Variants in PLPP1 observed in about 807,000 individuals in gnomAD.
PLPP1 encodes the protein phospholipid phosphatase 1.
PLPP1 carries 24 observed loss-of-function variants against 31.2 expected under a neutral mutation model. The observed-to-expected ratio is 0.77, with a 90% CI of 0.56 to 1.08. The LOEUF (loss-of-function observed/expected upper bound fraction) is 1.08, where lower values mean the gene tolerates loss of function less well. Ranked by LOEUF, PLPP1 falls within the 50% of genes least tolerant of loss-of-function variation. The pLI, the probability that PLPP1 is intolerant of heterozygous loss-of-function variation, is 0.00. For missense variants in PLPP1, 319 were observed against 342.7 expected (o/e 0.93, Z 0.55); for synonymous variants, 146 against 126.3 (o/e 1.16, Z -1.05).
intron 1 of PLPP1, among the ~76,000 whole-genome samples, chr5:55,476,052 A>G (rs1215376203): frequency 6.7e-6 from 1 of 149,548 alleles, no homozygotes; most frequent in Non-Finnish European, 1.5e-5. Flanking sequence ...GATCATAGCT[A>G]AGTGCAGCCT....
chr5:55,453,922 C>G (rs971765689), intron 3 of PLPP1, among the ~76,000 whole-genome samples: 1 of 152,098 alleles, frequency 6.6e-6, no homozygotes, highest in Non-Finnish European at 1.5e-5. Flanking sequence ...CTCTGGCCAA[C>G]AGAGCAAGAC....
At chr5:55,476,748 G>A (rs1428683) in intron 1 of PLPP1, among the ~76,000 whole-genome samples, 130,170 of 152,162 alleles carry the variant, frequency 0.86, 56,159 homozygotes, top group South Asian at 0.92. Flanking sequence ...CTCCACTAAG[G>A]CCCTAAAGGC....
intron 3 of PLPP1, among the ~76,000 whole-genome samples, chr5:55,460,103 G>A (rs538291188): frequency 6.6e-6 from 1 of 152,216 alleles, no homozygotes; most frequent in East Asian, 1.9e-4. Flanking sequence ...TAAGTTATGG[G>A]GGAGTCAAAA....
At chr5:55,508,861 T>C (rs1240978005) in intron 1 of PLPP1, 3 of 154,190 alleles carry the variant, frequency 1.9e-5, no homozygotes, top group Non-Finnish European at 4.4e-5. Context: ...CTGTACTTAT[T>C]TGACCCTAAA....
intron 3 of PLPP1, among the ~76,000 whole-genome samples, chr5:55,467,050 T>A (rs1330964274): frequency 6.6e-6 from 1 of 152,168 alleles, no homozygotes; most frequent in Non-Finnish European, 1.5e-5. Context: ...TTCATTCATG[T>A]CTAAAGGTGT....
intron 1 of PLPP1, among the ~76,000 whole-genome samples, chr5:55,517,278 T>A (rs1249469055): frequency 6.6e-6 from 1 of 152,214 alleles, no homozygotes; most frequent in African/African-American, 2.4e-5. Flanking sequence ...AGCCTTGACC[T>A]TCCCAGGCTC....
chr5:55,528,902 T>C (rs114480853), intron 1 of PLPP1, among the ~76,000 whole-genome samples: 135 of 152,328 alleles, frequency 8.9e-4, no homozygotes, highest in African/African-American at 2.8e-3. Flanking sequence ...CAAAATACTT[T>C]ATGATTCTCA....
intron 3 of PLPP1, among the ~76,000 whole-genome samples, chr5:55,456,319 G>A (rs189749338): frequency 6.6e-6 from 1 of 152,234 alleles, no homozygotes; most frequent in African/African-American, 2.4e-5. Flanking sequence ...GAATGGCGGG[G>A]AGAAAAGAGA....
Position 55,475,417 on chromosome 5 carries a change from T to C in PLPP1, c.92A>G (p.His31Arg), listed in dbSNP as rs200499990. The stretch of plus-strand genomic sequence containing the variant: ...GAATACTCCTCGTTGGAAGGGGGTA[T>C]GCCTTGAAGTAAGAATTGCAAAAGG... ...GLPFAILTSR[H>R]TPFQRGVFCN... Residue 31 changes from histidine to arginine, a missense_variant, in exon 2 of 6, where the codon CAT (histidine) becomes CGT (arginine). Coordinates refer to ENST00000307259, the MANE Select transcript of PLPP1 (RefSeq NM_003711.4). The C allele has an allele frequency of 1.6e-5, 26 of 1,606,606 alleles. No individual in the cohort carries two copies. In the East Asian group the frequency reaches 2.0e-4, roughly 12 times the overall value.
At chr5:55,491,261 G>A (rs926902367) in intron 1 of PLPP1, 5 of 797,622 alleles carry the variant, frequency 6.3e-6, no homozygotes, top group Non-Finnish European at 9.6e-6. Context: ...CAAAGATTAA[G>A]GAAATCATGC....
intron 1 of PLPP1, among the ~76,000 whole-genome samples, chr5:55,477,729 T>G (rs1379865358): frequency 6.6e-6 from 1 of 152,148 alleles, no homozygotes; most frequent in African/African-American, 2.4e-5. Context: ...CTATACAAAA[T>G]AATTGAAACT....
chr5:55,445,631 G>A (rs536286525), intron 3 of PLPP1, among the ~76,000 whole-genome samples: 10 of 138,842 alleles, frequency 7.2e-5, no homozygotes, highest in African/African-American at 1.1e-4. Flanking sequence ...TGCAACCTCC[G>A]CCTCCTGGGT....
chr5:55,489,445 A>T (rs1453498665), intron 1 of PLPP1, among the ~76,000 whole-genome samples: 1 of 152,228 alleles, frequency 6.6e-6, no homozygotes, highest in Non-Finnish European at 1.5e-5. Flanking sequence ...GTAACCAGTT[A>T]TGGTGGGATG....
intron 3 of PLPP1, among the ~76,000 whole-genome samples, chr5:55,458,915 A>AAAAAAAC (rs1561231077): frequency 6.7e-5 from 10 of 149,062 alleles, no homozygotes; most frequent in East Asian, 3.9e-4. Context: ...AAAAAAAAAA[A>AAAAAAAC]ACACATAGCA....
At chr5:55,425,357 G>C (rs373714517) in intron 5 of PLPP1, 23 bp from the exon 6 acceptor site, 5 of 1,558,726 alleles carry the variant, frequency 3.2e-6, no homozygotes, top group Non-Finnish European at 4.4e-6. Flanking sequence ...ATATTTAATG[G>C]TATAATTTAG....
intron 3 of PLPP1, among the ~76,000 whole-genome samples, chr5:55,451,831 G>A (rs1751901249): frequency 1.3e-5 from 2 of 152,154 alleles, no homozygotes; most frequent in Non-Finnish European, 2.9e-5. Context: ...AAAGTGCTGG[G>A]ATTATAGGCA....
At chr5:55,444,431 T>C (rs1751704651) in intron 3 of PLPP1, among the ~76,000 whole-genome samples, 1 of 152,098 alleles carries the variant, frequency 6.6e-6, no homozygotes, top group African/African-American at 2.4e-5. Flanking sequence ...TGTTTAAGAC[T>C]ATGGCCCTGG....
At chr5:55,511,816 A>G (rs536681978) in intron 1 of PLPP1, among the ~76,000 whole-genome samples, 3 of 150,518 alleles carry the variant, frequency 2.0e-5, no homozygotes, top group African/African-American at 7.3e-5. Context: ...GGCGCCGGCT[A>G]CCACGCCCAG....
chr5:55,502,486 CA>C (rs112915753), intron 1 of PLPP1, among the ~76,000 whole-genome samples: 12,201 of 100,828 alleles, frequency 0.12, 497 homozygotes, highest in Non-Finnish European at 0.15. Flanking sequence ...GACTCCGTCT[CA>C]AAAAAAAAAA....
Sources: allele counts gnomAD v4.1 joint callset (sites outside exome capture counted in the v4.1 genomes callset), GRCh38; gene constraint gnomAD v4.1.1; transcripts MANE v1.5; gene names NCBI Gene and HGNC (gene_info 2026-07-23, HGNC 2026-07-21).